The following CNGA3 variants were observed in gnomAD, a reference collection of about 807,000 sequenced individuals.
CNGA3 encodes the protein cyclic nucleotide gated channel subunit alpha 3, also known as cyclic nucleotide-gated channel alpha-3.
CNGA3 carries 42 observed loss-of-function variants against 46.6 expected under a neutral mutation model. The observed-to-expected ratio is 0.90, with a 90% CI of 0.70 to 1.17. The LOEUF (loss-of-function observed/expected upper bound fraction) is 1.17, where lower values mean the gene tolerates loss of function less well. CNGA3 is among the 50% of genes most tolerant of loss of function. The pLI is 0.00. For synonymous variants in CNGA3, 394 were observed against 369.4 expected (o/e 1.07, Z -0.76); for missense variants, 893 against 890.7 (o/e 1.00, Z -0.03).
chr2:98,389,846 A>C, intron 6 of CNGA3, 72 bp downstream of exon 6: 1 of 1,275,010 alleles, frequency 7.8e-7, no homozygotes, highest in Non-Finnish European at 1.1e-6. Context: ...CCAGAGCTCC[A>C]CCTCTCCCTC....
chr2:98,353,114 A>T (rs1386421859), intron 1 of CNGA3, among the ~76,000 whole-genome samples: 2 of 152,224 alleles, frequency 1.3e-5, no homozygotes, highest in Non-Finnish European at 2.9e-5. Context: ...AAGCAAGAAA[A>T]AATGGGGTTT....
At position 98,391,714 on chromosome 2, in the gene CNGA3, G is replaced by A. The variant is rs76292269; in HGVS notation, c.567-150G>A. On this transcript the variant is annotated intron_variant, in intron 6 of 7. Coordinates refer to ENST00000272602, the MANE Select transcript of CNGA3 (RefSeq NM_001298.3). Reference sequence around the variant, plus strand: ...CAGAGACATCTCATCAGAAGCGGGGGTGATTACACTGAGGTAGTGACACCG... The same window carrying A: ...CAGAGACATCTCATCAGAAGCGGGGATGATTACACTGAGGTAGTGACACCG... 2,114 of 712,484 alleles carry A rather than the reference G, an allele frequency of 3.0e-3. 33 individuals are homozygous for A. In the African/African-American group the frequency reaches 0.032, roughly 11 times the overall value. 44.1% of individuals were successfully genotyped at this position (712,484 alleles called of 1,614,324 possible).
chr2:98,349,217 A>T (rs1040338396), intron 1 of CNGA3, among the ~76,000 whole-genome samples: 1 of 152,074 alleles, frequency 6.6e-6, no homozygotes, highest in Non-Finnish European at 1.5e-5. Context: ...AAAATGCAGG[A>T]GGCACAAGAT....
intron 3 of CNGA3, chr2:98,378,219 G>A: frequency 4.5e-6 from 7 of 1,545,110 alleles, no homozygotes; most frequent in Non-Finnish European, 6.1e-6. Context: ...GGACCCCAGG[G>A]CAGGTAGGTG....
chr2:98,394,416 G>T (rs1199002434), intron 7 of CNGA3, among the ~76,000 whole-genome samples: 1 of 152,152 alleles, frequency 6.6e-6, no homozygotes, highest in East Asian at 1.9e-4. Flanking sequence ...CAAAAGGCAG[G>T]TTGTGCCCCA....
chr2:98,377,735 C>G lies in CNGA3; in HGVS notation c.150C>G (p.Ile50Met), dbSNP rs759715897. The stretch of plus-strand genomic sequence containing the variant: ...CATCGTCAGTGCTGCAGCCGGGGAT[C>G]GCCATGGAGACCAGAGGACTGGCTG... ...EETSSVLQPGIAMETRGLADS... is the reference protein window; with the variant it reads ...EETSSVLQPGMAMETRGLADS... Residue 50 changes from isoleucine to methionine, a missense_variant, in exon 3 of 8, where the codon ATC (isoleucine) becomes ATG (methionine). Transcript: ENST00000272602. The G allele has an allele frequency of 6.2e-7, 1 of 1,613,422 alleles. No individual in the cohort carries two copies. Among genetic ancestry groups the G allele is most frequent in the Non-Finnish European group, 8.5e-7 (1 of 1,180,030 alleles).
At chr2:98,355,653 A>C (rs1691864245) in intron 1 of CNGA3, among the ~76,000 whole-genome samples, 1 of 152,246 alleles carries the variant, frequency 6.6e-6, no homozygotes, top group Non-Finnish European at 1.5e-5. Context: ...CATGGCCAAA[A>C]TTAACTTGTG....
At chr2:98,394,868 G>T (rs1389153031) in intron 7 of CNGA3, among the ~76,000 whole-genome samples, 1 of 152,180 alleles carries the variant, frequency 6.6e-6, no homozygotes, top group East Asian at 1.9e-4. Flanking sequence ...TACGTAAAAT[G>T]TAGTTTGCAT....
Position 98,390,276 on chromosome 2 carries a change from C to CAT in CNGA3, c.566+507_566+508dup, listed in dbSNP as rs548472945. On this transcript the variant is annotated intron_variant, in intron 6 of 7. Coordinates refer to ENST00000272602, the MANE Select transcript of CNGA3 (RefSeq NM_001298.3). ...TCAGCCACCCGAGTAGCTGTGACTA[C>CAT]ATATATGAGCCACCACGCCTGGCTT... Among the ~76,000 whole-genome samples the CAT allele has an allele frequency of 2.0e-5, 3 of 152,064 alleles. No individual in the cohort carries two copies. The East Asian group carries it at 5.8e-4, about 29-fold the overall frequency.
At chr2:98,352,712 G>C (rs1259455667) in intron 1 of CNGA3, among the ~76,000 whole-genome samples, 1 of 152,032 alleles carries the variant, frequency 6.6e-6, no homozygotes, top group Non-Finnish European at 1.5e-5. Flanking sequence ...AATCCATTGC[G>C]AGCCCGGGTA....
In CNGA3 at chr2:98,370,054, C is replaced by G. The variant is rs149069990; in HGVS notation, c.79C>G (p.Arg27Gly). 1.2e-6 allele frequency: 2 copies of G among 1,613,736 alleles called. No individual in the cohort carries two copies. Residue 27 changes from arginine (R) to glycine (G), a missense_variant, in exon 2 of 8, where the codon CGC becomes GGC. Arg to Gly is a moderately radical substitution (Grantham distance 125). Coordinates refer to ENST00000272602, the MANE Select transcript of CNGA3 (RefSeq NM_001298.3). Reference protein sequence around the residue: ...KVKTSDRDLNRAENGLSRAHS... With the variant: ...KVKTSDRDLNGAENGLSRAHS... ...AAAGACCTCAGACCGAGATCTCAAT[C>G]GCGCTGAAAATGGCCTCAGCAGGTA...
At chr2:98,390,733 G>GCTCT (rs1156684319) in intron 6 of CNGA3, among the ~76,000 whole-genome samples, 1 of 152,142 alleles carries the variant, frequency 6.6e-6, no homozygotes, top group Non-Finnish European at 1.5e-5. Context: ...ATGACCTGCT[G>GCTCT]CTCTCTCTAG....
intron 2 of CNGA3, among the ~76,000 whole-genome samples, chr2:98,375,211 G>A (rs930597355): frequency 7.9e-5 from 12 of 152,172 alleles, no homozygotes; most frequent in Non-Finnish European, 8.8e-5. Flanking sequence ...TTCATTTGCC[G>A]CGAATGCAAA....
At chr2:98,378,029 T>A in intron 3 of CNGA3, 2 of 1,546,064 alleles carry the variant, frequency 1.3e-6, no homozygotes, top group Non-Finnish European at 1.7e-6. Flanking sequence ...AATTGCTTAA[T>A]AAAAGCTGAC....
Position 98,396,591 on chromosome 2 carries a change from T to C in CNGA3, c.1421T>C (p.Leu474Pro), listed in dbSNP as rs1256900530. The C allele has an allele frequency of 6.2e-7, 1 of 1,613,942 alleles. No homozygotes were observed. Among genetic ancestry groups the C allele is most frequent in the South Asian group, 1.1e-5 (1 of 91,044 alleles). ...GCTGAGATCGCCATCAACGTGCACC[T>C]GGACACGCTGAAGAAGGTTCGCATC... Reference protein sequence around the residue: ...LKAEIAINVHLDTLKKVRIFQ... With the variant: ...LKAEIAINVHPDTLKKVRIFQ... The change falls in exon 8 of 8, where the codon CTG becomes CCG. Residue 474 changes from leucine (L) to proline (P), a missense_variant. Leu to Pro is a moderately conservative substitution (Grantham distance 98, BLOSUM62 -3). Coordinates refer to ENST00000272602, the MANE Select transcript of CNGA3 (RefSeq NM_001298.3).
chr2:98,378,856 T>C (rs1310989271), intron 3 of CNGA3, among the ~76,000 whole-genome samples: 2 of 152,228 alleles, frequency 1.3e-5, no homozygotes, highest in Admixed American at 6.5e-5. Context: ...CATTTTCTCA[T>C]GGAGTTTCAT....
chr2:98,371,496 C>T (rs955128329), intron 2 of CNGA3, among the ~76,000 whole-genome samples: 1 of 152,176 alleles, frequency 6.6e-6, no homozygotes, highest in South Asian at 2.1e-4. Context: ...GCCCTTGAAC[C>T]CCACCTTCTG....
chr2:98,396,015 C>T lies in CNGA3; in HGVS notation c.845C>T (p.Ser282Phe). ...AGGTTCAACCGCCTACTGAAGTTTT[C>T]CCGGCTCTTTGAATTCTTTGACCGC... ...EVRFNRLLKFSRLFEFFDRTE... is the reference protein window; with the variant it reads ...EVRFNRLLKFFRLFEFFDRTE... Residue 282 changes from serine to phenylalanine, a missense_variant, in exon 8 of 8, where the codon TCC (serine) becomes TTC (phenylalanine). Ser to Phe is a radical substitution (Grantham distance 155). Coordinates refer to ENST00000272602, the MANE Select transcript of CNGA3 (RefSeq NM_001298.3). 1 of 1,614,218 alleles carries T rather than the reference C, an allele frequency of 6.2e-7. No homozygotes were observed. The highest frequency in any genetic ancestry group is 8.5e-7 in the Non-Finnish European group (1 of 1,180,028).
At position 98,396,392 on chromosome 2, in the gene CNGA3, G is replaced by A. The variant is rs1289044362; in HGVS notation, c.1222G>A (p.Ala408Thr). 3 of 1,613,798 alleles carry A rather than the reference G, an allele frequency of 1.9e-6. No homozygotes were observed. The African/African-American group carries it at 4.0e-5, about 22-fold the overall frequency. The stretch of plus-strand genomic sequence containing the variant: ...GGGCTCCATGATCTCGAATATGAAT[G>A]CCTCACGGGCAGAGTTCCAGGCCAA... ...NVGSMISNMN[A>T]SRAEFQAKID... Residue 408 changes from alanine to threonine, a missense_variant, in exon 8 of 8, where the codon GCC becomes ACC. This residue lies in a region of CNGA3 where 548 missense variants were observed against 570.8 expected (regional missense o/e 0.96). Transcript: ENST00000272602.
Sources: gnomAD v4.1 joint callset for allele counts (sites outside exome capture counted in the v4.1 genomes callset) on GRCh38, gnomAD v4.1.1 for gene constraint, gnomAD v4.1.1 regional missense constraint, MANE v1.5 for transcripts, NCBI Gene and HGNC (gene_info 2026-07-23, HGNC 2026-07-21) for gene names.